PPM1E: variants seen among roughly 807,000 people sequenced by gnomAD.
PPM1E encodes the protein protein phosphatase 1E.
A neutral mutation model predicts 65.9 loss-of-function variants in PPM1E; 20 were observed. The ratio of observed to expected loss-of-function variants is 0.30; its 90% CI spans 0.21 to 0.44. The LOEUF is 0.44. Among genes scored for constraint, PPM1E ranks in the 20% least tolerant of loss-of-function variants. The pLI, the probability that PPM1E is intolerant of heterozygous loss-of-function variation, is 1.00. For missense variants in PPM1E, 713 were observed against 953.1 expected, an observed-to-expected ratio of 0.75 and a Z score of 3.32; for synonymous variants, 352 against 374.9, an observed-to-expected ratio of 0.94 and a Z score of 0.70.
chr17:58,837,830 A>C (rs1044763229), intron 1 of PPM1E, among the ~76,000 whole-genome samples: 1 of 152,202 alleles, frequency 6.6e-6, no homozygotes, highest in South Asian at 2.1e-4. Flanking sequence ...TGTGCTACGC[A>C]TTTGCTAATT....
intron 6 of PPM1E, among the ~76,000 whole-genome samples, chr17:58,976,902 AATG>A (rs1157483405): frequency 1.3e-5 from 2 of 152,356 alleles, no homozygotes; most frequent in African/African-American, 4.8e-5. Flanking sequence ...AAAAAATAAT[AATG>A]ATGATAATCA....
At chr17:58,900,631 G>A (rs946450586) in intron 1 of PPM1E, among the ~76,000 whole-genome samples, 1 of 152,030 alleles carries the variant, frequency 6.6e-6, no homozygotes, top group East Asian at 1.9e-4. Context: ...TTGCAATAAA[G>A]CAATATTTGC....
At chr17:58,808,527 C>T (rs571443754) in intron 1 of PPM1E, among the ~76,000 whole-genome samples, 50 of 151,242 alleles carry the variant, frequency 3.3e-4, no homozygotes, top group Non-Finnish European at 6.3e-4. Context: ...TTTATGTGTA[C>T]GTGTGTCTGT....
chr17:58,962,463 A>T lies in PPM1E; in HGVS notation c.584-3231A>T, dbSNP rs914627717. The stretch of plus-strand genomic sequence containing the variant: ...GTTTCACCCTACTCCATTCTCCCTC[A>T]AAGTTTCTAAATTCACTTGATTGTT... On this transcript the variant is annotated intron_variant, in intron 2 of 6. Coordinates refer to ENST00000308249, the MANE Select transcript of PPM1E (RefSeq NM_014906.5). 3.3e-5 allele frequency among the ~76,000 whole-genome samples: 5 copies of T among 152,260 alleles called. No individual in the cohort carries two copies. In the South Asian group the frequency reaches 1.0e-3, roughly 32 times the overall value.
intron 2 of PPM1E, among the ~76,000 whole-genome samples, chr17:58,956,109 C>A (rs1040144620): frequency 2.6e-5 from 4 of 152,062 alleles, no homozygotes; most frequent in African/African-American, 9.7e-5. Context: ...AGAATTCGAG[C>A]AAAACCTATT....
chr17:58,887,132 G>GACC (rs2051275386), intron 1 of PPM1E, among the ~76,000 whole-genome samples: 1 of 149,206 alleles, frequency 6.7e-6, no homozygotes, highest in East Asian at 2.0e-4. Context: ...TAGGTTTATT[G>GACC]ACCTCATACC....
At chr17:58,806,941 G>A (rs1169003012) in intron 1 of PPM1E, among the ~76,000 whole-genome samples, 2 of 151,010 alleles carry the variant, frequency 1.3e-5, no homozygotes, top group Non-Finnish European at 2.9e-5. Flanking sequence ...TCCTGACCTC[G>A]TGATCCACCT....
intron 1 of PPM1E, among the ~76,000 whole-genome samples, chr17:58,822,541 C>G (rs1223803435): frequency 1.3e-5 from 2 of 151,932 alleles, no homozygotes; most frequent in Non-Finnish European, 2.9e-5. Flanking sequence ...TTTCAATTGC[C>G]CATCTGTTCT....
chr17:58,952,777 G>A (rs1277993724), intron 1 of PPM1E, among the ~76,000 whole-genome samples: 5 of 152,102 alleles, frequency 3.3e-5, no homozygotes, highest in African/African-American at 9.7e-5. Flanking sequence ...GGATTCAAGC[G>A]ATTCTTCTGC....
At chr17:58,882,140 A>C (rs1172703937) in intron 1 of PPM1E, among the ~76,000 whole-genome samples, 1 of 151,998 alleles carries the variant, frequency 6.6e-6, no homozygotes, top group East Asian at 1.9e-4. Context: ...TCACTGCACT[A>C]TGGCCAGGGT....
Position 58,965,728 on chromosome 17 carries a change from C to G in PPM1E, c.618C>G (p.Phe206Leu). ...IETVKLARSV[F>L]SKLHEICCSW... ...CAGTGAAATTGGCCCGTTCTGTCTT[C>G]AGCAAACTACACGAGATTTGCTGCA... The change falls in exon 3 of 7, where the codon TTC becomes TTG. Residue 206 changes from phenylalanine to leucine, a missense_variant. Physicochemically the swap from Phe to Leu is conservative, Grantham distance 22. Around this residue, in one of 6 missense-constraint regions of PPM1E, gnomAD observed 84 missense variants for 113.9 expected, o/e 0.74. Coordinates refer to ENST00000308249, the MANE Select transcript of PPM1E (RefSeq NM_014906.5). 1 of 1,614,132 alleles carries G rather than the reference C, an allele frequency of 6.2e-7. No individual in the cohort carries two copies. The highest frequency in any genetic ancestry group is 8.5e-7 in the Non-Finnish European group (1 of 1,180,008).
At chr17:58,779,804 A>C (rs1353924486) in intron 1 of PPM1E, among the ~76,000 whole-genome samples, 1 of 152,090 alleles carries the variant, frequency 6.6e-6, no homozygotes, top group African/African-American at 2.4e-5. Flanking sequence ...TTCACTCTCT[A>C]TGTCAATATC....
intron 1 of PPM1E, among the ~76,000 whole-genome samples, chr17:58,939,679 A>T (rs1230748592): frequency 3.9e-5 from 6 of 152,294 alleles, no homozygotes; most frequent in African/African-American, 1.4e-4. Context: ...AAAAATATTT[A>T]TGTATATAAT....
chr17:58,935,970 C>A (rs187582082), intron 1 of PPM1E, among the ~76,000 whole-genome samples: 3 of 147,814 alleles, frequency 2.0e-5, no homozygotes, highest in Non-Finnish European at 3.0e-5. Flanking sequence ...ATCTCTCCCC[C>A]CTCCCGCCAC....
intron 1 of PPM1E, among the ~76,000 whole-genome samples, chr17:58,928,955 C>T (rs957085852): frequency 1.4e-4 from 22 of 152,186 alleles, no homozygotes; most frequent in Non-Finnish European, 2.8e-4. Context: ...CCACCCGCCT[C>T]GGCCTCCCAA....
At chr17:58,817,905 C>A (rs890062532) in intron 1 of PPM1E, among the ~76,000 whole-genome samples, 10 of 152,140 alleles carry the variant, frequency 6.6e-5, no homozygotes, top group African/African-American at 2.4e-4. Flanking sequence ...GCGTCCGCCA[C>A]CACGCCCGGT....
chr17:58,958,166 A>G (rs2029910827), intron 2 of PPM1E, among the ~76,000 whole-genome samples: 1 of 152,062 alleles, frequency 6.6e-6, no homozygotes. Context: ...AACCAATTTG[A>G]AATATCACAG....
At chr17:58,941,973 C>A (rs1239164365) in intron 1 of PPM1E, among the ~76,000 whole-genome samples, 1 of 150,652 alleles carries the variant, frequency 6.6e-6, no homozygotes, top group Non-Finnish European at 1.5e-5. Context: ...CCATTGCACT[C>A]CAGCCTGGGG....
chr17:58,823,697 A>G (rs542413702), intron 1 of PPM1E, among the ~76,000 whole-genome samples: 1 of 152,310 alleles, frequency 6.6e-6, no homozygotes, highest in South Asian at 2.1e-4. Context: ...CATTGATTAG[A>G]TTAAATATGG....
Sources: gnomAD v4.1 joint callset for allele counts (sites outside exome capture counted in the v4.1 genomes callset) on GRCh38, gnomAD v4.1.1 for gene constraint, gnomAD v4.1.1 regional missense constraint, MANE v1.5 for transcripts, NCBI Gene and HGNC (gene_info 2026-07-23, HGNC 2026-07-21) for gene names.